CHN1: variants seen among roughly 807,000 people sequenced by gnomAD.
CHN1 encodes the protein chimerin 1, also known as N-chimaerin.
In CHN1, 37 loss-of-function variants were observed where a neutral mutation model predicts 59.5. The observed-to-expected ratio is 0.62, with a 90% CI of 0.48 to 0.82. CHN1 has a LOEUF of 0.82. Ranked by LOEUF, CHN1 falls within the 40% of genes least tolerant of loss-of-function variation. The probability of loss-of-function intolerance (pLI) is 0.00; values close to 1 mark genes in which losing one functional copy is unlikely to be tolerated. For missense variants in CHN1, 469 were observed against 571.0 expected (o/e 0.82, Z 1.82); for synonymous variants, 206 against 200.4 (o/e 1.03, Z -0.24).
chr2:174,815,919 T>G (rs886244258), intron 8 of CHN1, among the ~76,000 whole-genome samples: 4 of 152,020 alleles, frequency 2.6e-5, no homozygotes, highest in African/African-American at 4.8e-5. Flanking sequence ...GTTTACAAAG[T>G]TTTTTTTAAA....
At chr2:174,990,624 C>T (rs1691517142) in intron 1 of CHN1, among the ~76,000 whole-genome samples, 1 of 152,044 alleles carries the variant, frequency 6.6e-6, no homozygotes, top group Non-Finnish European at 1.5e-5. Context: ...ATTATTAATC[C>T]ATCTTGTTCC....
intron 5 of CHN1, among the ~76,000 whole-genome samples, chr2:174,897,642 A>G (rs996210849): frequency 1.3e-5 from 2 of 152,140 alleles, no homozygotes; most frequent in African/African-American, 4.8e-5. Context: ...TAGTTAAGCT[A>G]CCCATATATG....
intron 7 of CHN1, among the ~76,000 whole-genome samples, chr2:174,845,896 G>A (rs1686494545): frequency 6.6e-6 from 1 of 151,978 alleles, no homozygotes; most frequent in Admixed American, 6.6e-5. Context: ...GTGCATTATA[G>A]GTGCTGAATA....
intron 1 of CHN1, among the ~76,000 whole-genome samples, chr2:174,997,417 A>G (rs979839750): frequency 6.6e-6 from 1 of 152,170 alleles, no homozygotes; most frequent in Non-Finnish European, 1.5e-5. Context: ...CTATGTTTTT[A>G]CTACTTTAAG....
chr2:174,926,970 G>C (rs1326472652), intron 3 of CHN1, among the ~76,000 whole-genome samples: 1 of 152,050 alleles, frequency 6.6e-6, no homozygotes, highest in African/African-American at 2.4e-5. Context: ...GTGTTAGCCA[G>C]GATAGTCTCG....
intron 1 of CHN1, among the ~76,000 whole-genome samples, chr2:174,954,771 T>C (rs1004258839): frequency 6.6e-6 from 1 of 152,136 alleles, no homozygotes; most frequent in African/African-American, 2.4e-5. Flanking sequence ...AGAGTGGCCA[T>C]AATTAAAAAA....
At chr2:174,994,573 C>G (rs916270202) in intron 1 of CHN1, among the ~76,000 whole-genome samples, 4 of 152,118 alleles carry the variant, frequency 2.6e-5, no homozygotes, top group African/African-American at 9.7e-5. Flanking sequence ...TACGTCACCA[C>G]ACAATAAGTG....
chr2:174,916,817 T>TTAAA (rs1688861085), intron 4 of CHN1, among the ~76,000 whole-genome samples: 1 of 152,238 alleles, frequency 6.6e-6, no homozygotes, highest in Non-Finnish European at 1.5e-5. Flanking sequence ...CCCTTGCTAT[T>TTAAA]TAGCACGTTG....
intron 5 of CHN1, among the ~76,000 whole-genome samples, chr2:174,887,135 T>C (rs929241437): frequency 5.3e-5 from 8 of 152,218 alleles, no homozygotes; most frequent in Admixed American, 3.9e-4. Flanking sequence ...ATTAAGCTGA[T>C]GGCGATTCTT....
chr2:174,921,785 T>C (rs539363448), intron 3 of CHN1, among the ~76,000 whole-genome samples: 16 of 152,230 alleles, frequency 1.1e-4, no homozygotes, highest in Admixed American at 5.2e-4. Context: ...TCAGATCTCG[T>C]GAGAACTCAC....
At chr2:174,878,809 G>C (rs890196582) in intron 5 of CHN1, among the ~76,000 whole-genome samples, 2 of 152,186 alleles carry the variant, frequency 1.3e-5, no homozygotes, top group Non-Finnish European at 2.9e-5. Flanking sequence ...ATAAGCTATT[G>C]GACTATAGAA....
At chr2:174,959,386 T>C (rs1158038703) in intron 1 of CHN1, among the ~76,000 whole-genome samples, 1 of 152,018 alleles carries the variant, frequency 6.6e-6, no homozygotes, top group Non-Finnish European at 1.5e-5. Flanking sequence ...AGTTGACCAG[T>C]GGGTAGGTGC....
At chr2:174,805,629 G>T (rs1316925026) in intron 11 of CHN1, among the ~76,000 whole-genome samples, 1 of 152,208 alleles carries the variant, frequency 6.6e-6, no homozygotes, top group Non-Finnish European at 1.5e-5. Context: ...AGAGCAGATG[G>T]CATTAGAGGA....
intron 6 of CHN1, among the ~76,000 whole-genome samples, chr2:174,868,081 CTTTG>C (rs540564702): frequency 3.1e-4 from 47 of 152,052 alleles, no homozygotes; most frequent in Non-Finnish European, 6.2e-4. Flanking sequence ...TTCCTTCTTT[CTTTG>C]TTTTTCATAT....
intron 12 of CHN1, 68 bp downstream of exon 12, chr2:174,801,639 C>G (rs1162441175): frequency 9.3e-7 from 1 of 1,074,354 alleles, no homozygotes; most frequent in East Asian, 2.4e-5. Flanking sequence ...TTTCTTTCAC[C>G]CTTCATTTCA....
At chr2:174,950,598 T>C (rs77867272) in intron 2 of CHN1, among the ~76,000 whole-genome samples, 1,893 of 152,118 alleles carry the variant, frequency 0.012, 15 homozygotes, top group Middle Eastern at 0.027. Flanking sequence ...TATGTGAAGC[T>C]ACAAAAAATA....
intron 1 of CHN1, among the ~76,000 whole-genome samples, chr2:174,988,249 C>A (rs552480057): frequency 6.6e-6 from 1 of 150,642 alleles, no homozygotes; most frequent in Non-Finnish European, 1.5e-5. Context: ...CCCAGCTACA[C>A]GGGAGGCTGA....
At chr2:174,830,500 A>C (rs1357373863) in intron 7 of CHN1, among the ~76,000 whole-genome samples, 1 of 152,200 alleles carries the variant, frequency 6.6e-6, no homozygotes, top group Non-Finnish European at 1.5e-5. Context: ...ATAATGTATT[A>C]ACAAAGAGCG....
intron 6 of CHN1, chr2:174,847,703 GTA>G: frequency 1.7e-6 from 2 of 1,207,948 alleles, no homozygotes; most frequent in South Asian, 1.3e-5. Flanking sequence ...TTTAAGTACT[GTA>G]TTCCTAAACT....
Sources: gnomAD v4.1 joint callset for allele counts (sites outside exome capture counted in the v4.1 genomes callset) on GRCh38, gnomAD v4.1.1 for gene constraint, MANE v1.5 for transcripts, NCBI Gene and HGNC (gene_info 2026-07-23, HGNC 2026-07-21) for gene names.